The following SARNP variants were observed in gnomAD, a reference collection of about 807,000 sequenced individuals.
SARNP encodes SAP domain-containing ribonucleoprotein.
Under a neutral mutation model 38.1 loss-of-function variants are expected in SARNP, and 5 were observed. That is an observed-to-expected ratio of 0.13 (90% confidence interval 0.07 to 0.28). SARNP has a LOEUF of 0.28. Ranked by LOEUF, SARNP falls within the 10% of genes least tolerant of loss-of-function variation. SARNP has a pLI of 1.00. For missense variants in SARNP, 180 were observed against 243.9 expected, an observed-to-expected ratio of 0.74 and a Z score of 1.75; for synonymous variants, 84 against 80.6, an observed-to-expected ratio of 1.04 and a Z score of -0.23.
rs1048880324 is a variant in SARNP at position 55,759,894 on chromosome 12, C to T, written c.591+657G>A. On this transcript the variant is annotated intron_variant, in intron 10 of 10. Transcript: ENST00000336133. The stretch of plus-strand genomic sequence containing the variant: ...CTGGGACTATAGGTGTGTGCCACCA[C>T]GCCTAGCTAATTTTTGTATTTTTAG... Among the ~76,000 whole-genome samples the T allele has an allele frequency of 4.6e-5, 7 of 151,662 alleles. No homozygotes were observed. In the East Asian group the frequency reaches 7.8e-4, roughly 17 times the overall value.
chr12:55,759,637 C>T (rs982388451), intron 10 of SARNP, among the ~76,000 whole-genome samples: 2 of 152,120 alleles, frequency 1.3e-5, no homozygotes, highest in Non-Finnish European at 2.9e-5. Context: ...GATGGGGTTT[C>T]ACCATGTTGG....
At chr12:55,758,066 A>G (rs1878566727) in intron 10 of SARNP, among the ~76,000 whole-genome samples, 1 of 152,314 alleles carries the variant, frequency 6.6e-6, no homozygotes, top group Middle Eastern at 3.4e-3. Flanking sequence ...TAAATCTTTG[A>G]TGCCAACAGA....
intron 10 of SARNP, 85 bp downstream of exon 10, chr12:55,760,466 A>G (rs1312208145): frequency 1.3e-6 from 1 of 784,722 alleles, no homozygotes; most frequent in Admixed American, 2.1e-5. Flanking sequence ...ATAAATAAAT[A>G]GGTGGGGAAA....
chr12:55,810,970 G>A (rs1414863960), intron 1 of SARNP, among the ~76,000 whole-genome samples: 7 of 151,814 alleles, frequency 4.6e-5, no homozygotes, highest in African/African-American at 1.5e-4. Context: ...CCAGCTACTC[G>A]GGAGGCTGAG....
chr12:55,758,473 C>T (rs1374746745), intron 10 of SARNP, among the ~76,000 whole-genome samples: 8 of 152,178 alleles, frequency 5.3e-5, no homozygotes, highest in Non-Finnish European at 5.9e-5. Context: ...GGTAAAACCC[C>T]GTCTCTACTA....
intron 4 of SARNP, among the ~76,000 whole-genome samples, chr12:55,798,876 T>C (rs79829913): frequency 1.3e-5 from 2 of 152,314 alleles, no homozygotes; most frequent in African/African-American, 4.8e-5. Context: ...CTTCCTAGGA[T>C]AATTATCCTG....
chr12:55,760,826 T>C, intron 9 of SARNP, 186 bp from the exon 10 acceptor site: 1 of 528,792 alleles, frequency 1.9e-6, no homozygotes, highest in African/African-American at 1.9e-5. Context: ...GTACCTAGAA[T>C]GACTAAAAAC....
chr12:55,772,581 A>G (rs1879039175), intron 9 of SARNP, among the ~76,000 whole-genome samples: 1 of 151,908 alleles, frequency 6.6e-6, no homozygotes, highest in Non-Finnish European at 1.5e-5. Flanking sequence ...CACACTTGAC[A>G]CCCCCAGAAA....
chr12:55,803,626 C>T lies in SARNP; in HGVS notation c.136+3G>A, dbSNP rs371231201. 1.6e-5 allele frequency: 26 copies of T among 1,593,256 alleles called. No individual in the cohort carries two copies. The highest frequency in any genetic ancestry group is 1.3e-4 in the Admixed American group (8 of 59,736). ...CATCACTCCGCCTCCACAAAGTACT[C>T]ACCATGTTCTTCAAGATATGCCTGG... On this transcript the variant is annotated splice_donor_region_variant and intron_variant, in intron 2 of 10. Transcript: ENST00000336133.
chr12:55,816,749 C>T (rs1212249945), intron 1 of SARNP, among the ~76,000 whole-genome samples: 1 of 152,110 alleles, frequency 6.6e-6, no homozygotes, highest in Non-Finnish European at 1.5e-5. Context: ...AAAGAAAATA[C>T]TTTTTAAAAT....
chr12:55,808,834 C>G (rs1018251906), intron 1 of SARNP, among the ~76,000 whole-genome samples: 1 of 128,856 alleles, frequency 7.8e-6, no homozygotes, highest in East Asian at 2.5e-4. Context: ...TCTTTTTGCA[C>G]GTATTTCAGC....
chr12:55,759,342 A>G (rs1878604893), intron 10 of SARNP, among the ~76,000 whole-genome samples: 1 of 151,866 alleles, frequency 6.6e-6, no homozygotes, highest in Non-Finnish European at 1.5e-5. Context: ...TATTATCTCC[A>G]CTTCCTAGAT....
At chr12:55,783,895 C>T (rs1264344909) in intron 9 of SARNP, among the ~76,000 whole-genome samples, 1 of 151,882 alleles carries the variant, frequency 6.6e-6, no homozygotes, top group Non-Finnish European at 1.5e-5. Context: ...GAATTGGAGA[C>T]CAGCCTGGGC....
At chr12:55,794,975 A>G in intron 5 of SARNP, 95 bp from the exon 6 acceptor site, 1 of 662,208 alleles carries the variant, frequency 1.5e-6, no homozygotes. Context: ...AAAAAAAAAA[A>G]AAAAAAAAGA....
In SARNP at chr12:55,781,182, T is replaced by C. The variant is rs1426023701; in HGVS notation, c.501+7893A>G. On this transcript the variant is annotated intron_variant, in intron 9 of 10. Coordinates refer to ENST00000336133, the MANE Select transcript of SARNP (RefSeq NM_033082.4). ...TCAGTTAGCTACAATGAAATCTGTA[T>C]GCTAGAAGACTGGTGGCTATCTGTA... 6.6e-5 allele frequency among the ~76,000 whole-genome samples: 10 copies of C among 152,222 alleles called. No individual in the cohort carries two copies. In the South Asian group the frequency reaches 1.2e-3, roughly 19 times the overall value.
At chr12:55,797,803 C>G (rs1157125562) in intron 4 of SARNP, among the ~76,000 whole-genome samples, 2 of 152,186 alleles carry the variant, frequency 1.3e-5, no homozygotes, top group Non-Finnish European at 2.9e-5. Context: ...ATCACATAAA[C>G]AACATTCCCT....
intron 6 of SARNP, 136 bp downstream of exon 6, chr12:55,794,671 G>T: frequency 1.5e-6 from 1 of 657,026 alleles, no homozygotes; most frequent in East Asian, 2.7e-5. Context: ...GTTCTGAATA[G>T]GGTCAAAAAA....
rs949830486 is a variant in SARNP, at chr12:55,803,100, G to T, written c.136+529C>A. Among the ~76,000 whole-genome samples the T allele has an allele frequency of 6.6e-5, 10 of 152,188 alleles. No individual in the cohort carries two copies. In the East Asian group the frequency reaches 1.5e-3, roughly 24 times the overall value. On this transcript the variant is annotated intron_variant, in intron 2 of 10. Coordinates refer to ENST00000336133, the MANE Select transcript of SARNP (RefSeq NM_033082.4). The stretch of plus-strand genomic sequence containing the variant: ...AACACATTAGAACGGGTGCCTAAAT[G>T]GGTTGGGGAGAAAGTGAAATGAGGA...
At chr12:55,814,488 A>T (rs569995013) in intron 1 of SARNP, among the ~76,000 whole-genome samples, 25 of 152,342 alleles carry the variant, frequency 1.6e-4, no homozygotes, top group Admixed American at 4.6e-4. Flanking sequence ...TCTCCTCTGC[A>T]ATAGTTCCTT....
Sources: gnomAD v4.1 joint callset for allele counts (sites outside exome capture counted in the v4.1 genomes callset) on GRCh38, gnomAD v4.1.1 for gene constraint, MANE v1.5 for transcripts, NCBI Gene and HGNC (gene_info 2026-07-23, HGNC 2026-07-21) for gene names.